EPHA7: variants seen among roughly 807,000 people sequenced by gnomAD.
EPHA7 encodes the protein EPH receptor A7, also known as ephrin type-A receptor 7.
In EPHA7, 25 loss-of-function variants were observed where a neutral mutation model predicts 112.6. The observed-to-expected ratio is 0.22, with a 90% CI of 0.16 to 0.31. EPHA7 has a LOEUF of 0.31. Among genes scored for constraint, EPHA7 ranks in the 10% least tolerant of loss-of-function variants. The pLI, the probability that EPHA7 is intolerant of heterozygous loss-of-function variation, is 1.00. For synonymous variants in EPHA7, 437 were observed against 406.5 expected, an observed-to-expected ratio of 1.07 and a Z score of -0.90; for missense variants, 962 against 1,212.6, an observed-to-expected ratio of 0.79 and a Z score of 3.07.
chr6:93,338,901 CTATAT>C (rs1775006347), intron 5 of EPHA7, among the ~76,000 whole-genome samples: 1 of 149,770 alleles, frequency 6.7e-6, no homozygotes, highest in African/African-American at 2.4e-5. Flanking sequence ...CTATATATCT[CTATAT>C]TATATATCTC....
At chr6:93,356,257 G>T (rs1383852520) in intron 5 of EPHA7, among the ~76,000 whole-genome samples, 1 of 151,832 alleles carries the variant, frequency 6.6e-6, no homozygotes, top group African/African-American at 2.4e-5. Context: ...ACCCATGCTG[G>T]AGTGCAGTGG....
chr6:93,334,466 G>A (rs928166154), intron 5 of EPHA7, among the ~76,000 whole-genome samples: 24 of 151,748 alleles, frequency 1.6e-4, no homozygotes, highest in African/African-American at 4.6e-4. Context: ...CTACAGAATG[G>A]GAGTAAATAT....
At chr6:93,255,647 T>A (rs369890139) in intron 13 of EPHA7, among the ~76,000 whole-genome samples, 181 bp downstream of exon 13, 1 of 151,986 alleles carries the variant, frequency 6.6e-6, no homozygotes, top group Non-Finnish European at 1.5e-5. Context: ...AGTCTATATA[T>A]ATATTGTACA....
chr6:93,346,134 G>C (rs1477748793), intron 5 of EPHA7, among the ~76,000 whole-genome samples: 2 of 151,598 alleles, frequency 1.3e-5, no homozygotes, highest in Non-Finnish European at 3.0e-5. Context: ...GGGATTGGGG[G>C]AAAACCTAAA....
chr6:93,267,162 C>T (rs1019507377), intron 7 of EPHA7, among the ~76,000 whole-genome samples: 4 of 151,522 alleles, frequency 2.6e-5, no homozygotes, highest in African/African-American at 7.3e-5. Context: ...ATTGATATAA[C>T]CAATATAAAA....
intron 7 of EPHA7, among the ~76,000 whole-genome samples, chr6:93,268,233 A>T (rs1237521988): frequency 6.6e-6 from 1 of 151,708 alleles, no homozygotes. Context: ...CTCTATGTGA[A>T]TGATTTATAT....
chr6:93,352,613 A>G (rs1775748868), intron 5 of EPHA7, among the ~76,000 whole-genome samples: 2 of 152,022 alleles, frequency 1.3e-5, no homozygotes, highest in Admixed American at 1.3e-4. Flanking sequence ...TAAGAAGAGA[A>G]CCATTCTTTA....
At chr6:93,261,244 A>G (rs893533963) in intron 9 of EPHA7, among the ~76,000 whole-genome samples, 1 of 151,592 alleles carries the variant, frequency 6.6e-6, no homozygotes, top group African/African-American at 2.4e-5. Flanking sequence ...GGCCATGAAA[A>G]GTTGAGGGTG....
chr6:93,243,737 T>G (rs1769785139), intron 16 of EPHA7, among the ~76,000 whole-genome samples, 197 bp from the exon 17 acceptor site: 1 of 152,138 alleles, frequency 6.6e-6, no homozygotes, highest in South Asian at 2.1e-4. Context: ...TGTAAAAACC[T>G]AACTGCTCAG....
chr6:93,308,178 A>G (rs1773353077), intron 5 of EPHA7, among the ~76,000 whole-genome samples: 1 of 152,068 alleles, frequency 6.6e-6, no homozygotes, highest in Non-Finnish European at 1.5e-5. Flanking sequence ...TAATCACTCG[A>G]GTGACATGCT....
rs747889940 is a variant in EPHA7 at position 93,308,949 on chromosome 6, C to CTT, written c.1325-36529_1325-36528dup. On this transcript the variant is annotated intron_variant, in intron 5 of 16. Coordinates refer to ENST00000369303, the MANE Select transcript of EPHA7 (RefSeq NM_004440.4). ...GACAATTACTTACAAATAATTCAAA[C>CTT]TTTTTTTTTTTTTTTAAACTACAGA... Among the ~76,000 whole-genome samples, 108 of 145,028 alleles carry CTT rather than the reference C, an allele frequency of 7.4e-4. 1 individual carries two copies. The highest frequency in any genetic ancestry group is 2.4e-3 in the African/African-American group (96 of 39,824).
chr6:93,308,101 C>T (rs1773349207), intron 5 of EPHA7, among the ~76,000 whole-genome samples: 1 of 152,132 alleles, frequency 6.6e-6, no homozygotes, highest in African/African-American at 2.4e-5. Context: ...AAAACTGGCA[C>T]TGTCCAAACA....
chr6:93,266,091 C>A (rs1323341776), intron 7 of EPHA7, among the ~76,000 whole-genome samples: 1 of 151,626 alleles, frequency 6.6e-6, no homozygotes, highest in Non-Finnish European at 1.5e-5. Flanking sequence ...GTTAAAAAAA[C>A]AGAAGAAGAA....
At chr6:93,371,555 C>G (rs1179902277) in intron 3 of EPHA7, among the ~76,000 whole-genome samples, 1 of 152,090 alleles carries the variant, frequency 6.6e-6, no homozygotes, top group Non-Finnish European at 1.5e-5. Flanking sequence ...AGACTCAACA[C>G]CTATGTGTGC....
chr6:93,341,035 G>A (rs1775112936), intron 5 of EPHA7, among the ~76,000 whole-genome samples: 1 of 151,852 alleles, frequency 6.6e-6, no homozygotes, highest in Non-Finnish European at 1.5e-5. Flanking sequence ...CTTTCTCCTA[G>A]TACCATCAGT....
chr6:93,331,466 C>A (rs1024521203), intron 5 of EPHA7, among the ~76,000 whole-genome samples: 2 of 148,778 alleles, frequency 1.3e-5, no homozygotes, highest in African/African-American at 4.9e-5. Context: ...AAAAAAAATT[C>A]AGAGCTTTTA....
At chr6:93,336,124 C>G (rs1774855392) in intron 5 of EPHA7, among the ~76,000 whole-genome samples, 1 of 152,072 alleles carries the variant, frequency 6.6e-6, no homozygotes. Context: ...TTCAAGCCTA[C>G]TGCTACCCTA....
intron 3 of EPHA7, among the ~76,000 whole-genome samples, chr6:93,383,926 G>A (rs2127974025): frequency 6.6e-6 from 1 of 152,162 alleles, no homozygotes; most frequent in Non-Finnish European, 1.5e-5. Context: ...AGCTTCAAGG[G>A]ATCCTCCTGC....
rs77947686 is a variant in EPHA7 at position 93,348,246 on chromosome 6, A to T, written c.1324+8471T>A. ...GAGGTATTTCCTTATGTATGTTTTA[A>T]TTGAGAAGAGTCATGGCACAGTGAT... On this transcript the variant is annotated intron_variant, in intron 5 of 16. Coordinates refer to ENST00000369303, the MANE Select transcript of EPHA7 (RefSeq NM_004440.4). 1.6e-3 allele frequency among the ~76,000 whole-genome samples: 249 copies of T among 151,924 alleles called. 3 individuals carry two copies. In the East Asian group the frequency reaches 0.04, roughly 25 times the overall value.
Sources: gnomAD v4.1 joint callset for allele counts (sites outside exome capture counted in the v4.1 genomes callset) on GRCh38, gnomAD v4.1.1 for gene constraint, MANE v1.5 for transcripts, NCBI Gene and HGNC (gene_info 2026-07-23, HGNC 2026-07-21) for gene names.